The following CCDC102B variants were observed in gnomAD, a reference collection of about 807,000 sequenced individuals.
CCDC102B encodes coiled-coil domain containing 102B, also known as coiled-coil domain-containing protein 102B.
Under a neutral mutation model 57.4 loss-of-function variants are expected in CCDC102B, and 75 were observed. The observed-to-expected ratio is 1.31, with a 90% CI of 1.08 to 1.58. The LOEUF (loss-of-function observed/expected upper bound fraction) is 1.58, where lower values mean the gene tolerates loss of function less well. CCDC102B is among the 40% of genes most tolerant of loss of function. The pLI, the probability that CCDC102B is intolerant of heterozygous loss-of-function variation, is 0.00. For synonymous variants in CCDC102B, 206 were observed against 201.9 expected (o/e 1.02, Z -0.17); for missense variants, 636 against 582.6 (o/e 1.09, Z -0.94).
At chr18:68,940,472 C>T (rs1025939979) in intron 6 of CCDC102B, among the ~76,000 whole-genome samples, 1 of 151,782 alleles carries the variant, frequency 6.6e-6, no homozygotes, top group Admixed American at 6.6e-5. Flanking sequence ...AAGGTCATCT[C>T]ATGAAAGCCA....
intron 7 of CCDC102B, among the ~76,000 whole-genome samples, chr18:69,024,570 G>A (rs2051933079): frequency 6.6e-6 from 1 of 151,908 alleles, no homozygotes; most frequent in Non-Finnish European, 1.5e-5. Context: ...TGACTCTAAA[G>A]GTAAGATTAT....
At chr18:69,042,583 C>A (rs897992875) in intron 7 of CCDC102B, among the ~76,000 whole-genome samples, 1 of 151,940 alleles carries the variant, frequency 6.6e-6, no homozygotes. Flanking sequence ...TACTCAGCAC[C>A]CTGTACCTCA....
intron 7 of CCDC102B, 24 bp downstream of exon 7, chr18:69,011,128 T>TG (rs780010193): frequency 3.8e-6 from 6 of 1,597,886 alleles, no homozygotes; most frequent in Non-Finnish European, 4.3e-6. Flanking sequence ...AGTGAACACG[T>TG]GCTGGACAGC....
intron 7 of CCDC102B, among the ~76,000 whole-genome samples, chr18:69,049,791 G>T (rs1300957143): frequency 6.6e-6 from 1 of 151,964 alleles, no homozygotes; most frequent in East Asian, 1.9e-4. Context: ...AGTATGTCAG[G>T]GTCCATTGCT....
At chr18:69,043,562 G>T (rs1279638606) in intron 7 of CCDC102B, among the ~76,000 whole-genome samples, 1 of 152,106 alleles carries the variant, frequency 6.6e-6, no homozygotes, top group Admixed American at 6.6e-5. Flanking sequence ...AGATTAGGGA[G>T]TGGTGATGAC....
chr18:68,769,212 C>G (rs1018261026), intron 2 of CCDC102B, among the ~76,000 whole-genome samples: 5 of 149,680 alleles, frequency 3.3e-5, no homozygotes, highest in African/African-American at 1.2e-4. Flanking sequence ...GAAATCGTGC[C>G]ATTACATTCT....
rs3035604 is a variant in CCDC102B, at chr18:69,014,978, AGT to A, written c.1434+3898_1434+3899del. ...GTGAATGAGAGAGAGAGAGAGAGAG[AGT>A]GTGTGTGTGTGTGTGTGTGTGTGAA... On this transcript the variant is annotated intron_variant, in intron 7 of 7. Coordinates refer to ENST00000360242, the MANE Select transcript of CCDC102B (RefSeq NM_024781.3). 8.8e-4 allele frequency among the ~76,000 whole-genome samples: 123 copies of A among 139,416 alleles called. 1 individual carries two copies. Among genetic ancestry groups the A allele is most frequent in the African/African-American group, 2.3e-3 (86 of 37,810 alleles). 91.5% of individuals were successfully genotyped at this position (139,416 alleles called of 152,430 possible).
intron 6 of CCDC102B, among the ~76,000 whole-genome samples, chr18:68,932,128 A>G (rs2041694848): frequency 6.6e-6 from 1 of 151,880 alleles, no homozygotes; most frequent in African/African-American, 2.4e-5. Flanking sequence ...TTTTTGACCA[A>G]TTATAGAGAA....
intron 4 of CCDC102B, among the ~76,000 whole-genome samples, chr18:68,850,171 T>C (rs2038058220): frequency 6.6e-6 from 1 of 152,150 alleles, no homozygotes; most frequent in African/African-American, 2.4e-5. Context: ...CAAGAGTCAA[T>C]ATGTTACATC....
At chr18:68,764,798 G>GACCA (rs1407204095) in intron 2 of CCDC102B, among the ~76,000 whole-genome samples, 1 of 151,904 alleles carries the variant, frequency 6.6e-6, no homozygotes. Context: ...AATAATGGGA[G>GACCA]ACCAAGGCAG....
intron 7 of CCDC102B, among the ~76,000 whole-genome samples, chr18:69,034,724 A>C (rs1260652991): frequency 6.6e-6 from 1 of 151,398 alleles, no homozygotes; most frequent in African/African-American, 2.4e-5. Context: ...TATTATTATT[A>C]TAAAGACACC....
intron 1 of CCDC102B, among the ~76,000 whole-genome samples, chr18:68,813,024 C>T (rs1457810489): frequency 6.6e-6 from 1 of 151,782 alleles, no homozygotes; most frequent in African/African-American, 2.4e-5. Flanking sequence ...TGTCCCCATC[C>T]AAATCTCTTA....
intron 4 of CCDC102B, among the ~76,000 whole-genome samples, chr18:68,853,135 A>G (rs75473187): frequency 0.027 from 4,165 of 152,308 alleles, 190 homozygotes; most frequent in African/African-American, 0.094. Context: ...CTGAGACTAC[A>G]TACAGTTTGT....
At chr18:68,977,801 A>G (rs533643921) in intron 6 of CCDC102B, among the ~76,000 whole-genome samples, 61 of 152,170 alleles carry the variant, frequency 4.0e-4, no homozygotes, top group Non-Finnish European at 6.8e-4. Context: ...AAAATTCAGC[A>G]TGAACATTGA....
At chr18:69,057,883 G>A (rs1598969366), downstream of CCDC102B, among the ~76,000 whole-genome samples, 2 of 151,912 alleles carry the variant, frequency 1.3e-5, no homozygotes, top group Admixed American at 1.3e-4. Context: ...ACATGTACAC[G>A]TTTATTACAT....
intron 6 of CCDC102B, among the ~76,000 whole-genome samples, chr18:68,909,649 A>C (rs1190954528): frequency 6.6e-6 from 1 of 152,220 alleles, no homozygotes; most frequent in Non-Finnish European, 1.5e-5. Context: ...ATTTTTGAGA[A>C]GGATAGTTTT....
intron 6 of CCDC102B, among the ~76,000 whole-genome samples, chr18:68,994,612 C>T (rs922131542): frequency 5.3e-5 from 8 of 151,940 alleles, no homozygotes; most frequent in Non-Finnish European, 8.8e-5. Context: ...AGTGAGTTCT[C>T]ACAAGATCTG....
intron 7 of CCDC102B, among the ~76,000 whole-genome samples, chr18:69,022,223 A>ATATATATATATATATATATAAC (rs1160074383): frequency 9.9e-6 from 1 of 100,550 alleles, no homozygotes; most frequent in Non-Finnish European, 2.0e-5. Flanking sequence ...ATATATATAT[A>ATATATATATATATATATATAAC]ACACACACAC....
chr18:69,030,691 G>A (rs2052115808), intron 7 of CCDC102B, among the ~76,000 whole-genome samples: 1 of 152,152 alleles, frequency 6.6e-6, no homozygotes, highest in Non-Finnish European at 1.5e-5. Flanking sequence ...GAGACACTCT[G>A]TCACCCAGGC....
Sources: allele counts gnomAD v4.1 joint callset (sites outside exome capture counted in the v4.1 genomes callset), GRCh38; gene constraint gnomAD v4.1.1; transcripts MANE v1.5; gene names NCBI Gene and HGNC (gene_info 2026-07-23, HGNC 2026-07-21).